Variants in DNAJC10 observed in about 807,000 individuals in gnomAD.
DNAJC10 encodes DnaJ heat shock protein family (Hsp40) member C10.
DNAJC10 carries 101 observed loss-of-function variants against 115.0 expected under a neutral mutation model. The ratio of observed to expected loss-of-function variants is 0.88; its 90% CI spans 0.75 to 1.04. The LOEUF (loss-of-function observed/expected upper bound fraction) is 1.04. Ranked by LOEUF, DNAJC10 falls within the 50% of genes least tolerant of loss-of-function variation. The pLI, the probability that DNAJC10 is intolerant of heterozygous loss-of-function variation, is 0.00. For missense variants in DNAJC10, 981 were observed against 928.8 expected (o/e 1.06, Z -0.73); for synonymous variants, 307 against 301.5 (o/e 1.02, Z -0.19).
chr2:182,728,348 A>T (rs918964908), intron 5 of DNAJC10, among the ~76,000 whole-genome samples: 4 of 152,072 alleles, frequency 2.6e-5, no homozygotes, highest in Admixed American at 2.6e-4. Context: ...TTAAAAAGCT[A>T]TTGTTGGTTT....
At chr2:182,729,777 T>G in intron 7 of DNAJC10, 71 bp from the exon 8 acceptor site, 1 of 975,624 alleles carries the variant, frequency 1.0e-6, no homozygotes. Context: ...AATCAAACTC[T>G]TTGGTATTAT....
At chr2:182,772,989 T>G (rs1694607768) in intron 22 of DNAJC10, among the ~76,000 whole-genome samples, 1 of 152,234 alleles carries the variant, frequency 6.6e-6, no homozygotes, top group Admixed American at 6.5e-5. Context: ...AGTTGTTTCT[T>G]CCCAAGTTTA....
Position 182,759,226 on chromosome 2 carries a change from A to G in DNAJC10, c.2064A>G (p.Lys688=), listed in dbSNP as rs1410634407. 2 of 1,610,206 alleles carry G rather than the reference A, an allele frequency of 1.2e-6. No individual in the cohort carries two copies. The highest frequency in any genetic ancestry group is 1.7e-6 in the Non-Finnish European group (2 of 1,179,160). Residue 688 remains lysine (K), a synonymous_variant, in exon 21 of 24, where the codon AAA becomes AAG. Coordinates refer to ENST00000264065, the MANE Select transcript of DNAJC10 (RefSeq NM_018981.4). Reference sequence around the variant, plus strand: ...TCAGTGAAAAAGTTCTACAAGGGAAAAATCATTGGGTGATTGATTTCTATG... The same window carrying G: ...TCAGTGAAAAAGTTCTACAAGGGAAGAATCATTGGGTGATTGATTTCTATG... ...QTFSEKVLQG[K]NHWVIDFYAP... is the part of the protein sequence containing the mutation.
intron 9 of DNAJC10, among the ~76,000 whole-genome samples, chr2:182,732,260 G>A (rs939340776): frequency 2.0e-5 from 3 of 151,932 alleles, no homozygotes; most frequent in African/African-American, 7.2e-5. Context: ...TCTGTAGCTA[G>A]ACATCCTAGA....
chr2:182,757,389 A>G (rs1473793946), intron 18 of DNAJC10, among the ~76,000 whole-genome samples: 2 of 152,198 alleles, frequency 1.3e-5, no homozygotes, highest in Non-Finnish European at 2.9e-5. Context: ...GAAATATTGC[A>G]AAGACTTTCA....
At chr2:182,729,074 A>T in intron 7 of DNAJC10, 80 bp downstream of exon 7, 1 of 1,404,436 alleles carries the variant, frequency 7.1e-7, no homozygotes, top group Non-Finnish European at 1.0e-6. Flanking sequence ...CAGTATGTAG[A>T]ATTTGCAGAA....
At position 182,776,675 on chromosome 2, in the gene DNAJC10, C is replaced by T. The variant is rs759945888; in HGVS notation, c.2371-446C>T. On this transcript the variant is annotated intron_variant, in intron 23 of 23. Transcript: ENST00000264065. ...TACCTCAAGAATATTTTTTACGAAT[C>T]TGAAAGGTAGGAAAGAGTTATGAGT... 4.1e-4 allele frequency among the ~76,000 whole-genome samples: 62 copies of T among 152,132 alleles called. 2 individuals are homozygous for T. The highest frequency in any genetic ancestry group is 1.3e-4 in the Admixed American group (2 of 15,270).
intron 11 of DNAJC10, chr2:182,739,553 T>A (rs1389130698): frequency 8.2e-7 from 1 of 1,222,966 alleles, no homozygotes; most frequent in African/African-American, 1.6e-5. Flanking sequence ...AGCTGCTTCA[T>A]TGAGAGAATC....
At chr2:182,773,641 G>A (rs1266821734) in intron 22 of DNAJC10, among the ~76,000 whole-genome samples, 1 of 152,280 alleles carries the variant, frequency 6.6e-6, no homozygotes, top group African/African-American at 2.4e-5. Flanking sequence ...GCTTGTGCAT[G>A]TGTCACCAAG....
chr2:182,747,477 T>C (rs1693898287), intron 14 of DNAJC10, among the ~76,000 whole-genome samples: 1 of 77,886 alleles, frequency 1.3e-5, no homozygotes, highest in Non-Finnish European at 2.6e-5. Flanking sequence ...CTAGGTATTT[T>C]ATTCTCTTTG....
At chr2:182,736,434 C>T (rs1693586940) in intron 11 of DNAJC10, 48 bp downstream of exon 11, 3 of 1,320,314 alleles carry the variant, frequency 2.3e-6, no homozygotes, top group African/African-American at 1.5e-5. Flanking sequence ...GTGCAAACAC[C>T]CTCAAAAATA....
At chr2:182,716,669 C>T (rs1420251127) in intron 1 of DNAJC10, among the ~76,000 whole-genome samples, 186 bp downstream of exon 1, 1 of 152,210 alleles carries the variant, frequency 6.6e-6, no homozygotes, top group Non-Finnish European at 1.5e-5. Flanking sequence ...CTCTGCCCAG[C>T]GATTCCCTCT....
chr2:182,718,820 C>T (rs1320661018), intron 3 of DNAJC10, among the ~76,000 whole-genome samples: 1 of 152,086 alleles, frequency 6.6e-6, no homozygotes, highest in African/African-American at 2.4e-5. Context: ...TTTATGTACA[C>T]ATTAATGTAA....
chr2:182,751,764 GC>G lies in DNAJC10; in HGVS notation c.1414del (p.Val473LeufsTer34). 1 of 1,613,568 alleles carries G rather than the reference GC, an allele frequency of 6.2e-7. No individual in the cohort carries two copies. The highest frequency in any genetic ancestry group is 8.5e-7 in the Non-Finnish European group (1 of 1,179,876). ...NFPANDKEPW[L>X]VDFFAPWCPP... is the part of the protein sequence containing the mutation. Reference sequence around the variant, plus strand: ...TTCCTGCCAATGACAAAGAACCATGGCTTGTTGATTTCTTTGCCCCCGTAAG... The same window carrying G: ...TTCCTGCCAATGACAAAGAACCATGGTTGTTGATTTCTTTGCCCCCGTAAG... On this transcript the variant is annotated frameshift_variant, in exon 15 of 24. Coordinates refer to ENST00000264065, the MANE Select transcript of DNAJC10 (RefSeq NM_018981.4). LOFTEE classifies it high-confidence loss of function.
chr2:182,718,921 A>G (rs1204525990), intron 3 of DNAJC10, among the ~76,000 whole-genome samples: 2 of 152,140 alleles, frequency 1.3e-5, no homozygotes, highest in Non-Finnish European at 2.9e-5. Flanking sequence ...CATCATTAAC[A>G]AGAAGACATA....
rs1694035423 is a variant in DNAJC10, at chr2:182,752,072, T to A, written c.1435T>A (p.Trp479Arg). 2 of 1,607,886 alleles carry A rather than the reference T, an allele frequency of 1.2e-6. No individual in the cohort carries two copies. Among genetic ancestry groups the A allele is most frequent in the East Asian group, 4.5e-5 (2 of 44,840 alleles). ...CTTATGAATATTTTTTCTTTCCTAG[T>A]GGTGTCCACCATGTCGAGCTTTACT... ...EPWLVDFFAPWCPPCRALLPE... is the reference protein window; with the variant it reads ...EPWLVDFFAPRCPPCRALLPE... The change falls in exon 16 of 24, where the codon TGG becomes AGG. Residue 479 changes from tryptophan to arginine, a missense_variant and splice_region_variant. Trp to Arg is a moderately radical substitution (Grantham distance 101). Transcript: ENST00000264065.
rs1179222223 is a variant in DNAJC10, at chr2:182,792,656, A to C, written c.*15524A>C. On this transcript the variant is annotated 3_prime_UTR_variant, in exon 24 of 24. Transcript: ENST00000264065. The stretch of plus-strand genomic sequence containing the variant: ...AACCTCAAACCAGTTTATCTGCAAG[A>C]GAAGTGTGTGAAGTTAGACTCAATT... The C allele has an allele frequency of 6.6e-6, 1 of 152,194 alleles. No individual in the cohort carries two copies. The highest frequency in any genetic ancestry group is 1.5e-5 in the Non-Finnish European group (1 of 68,034). 9.4% of individuals were successfully genotyped at this position (152,194 alleles called of 1,614,324 possible).
chr2:182,743,733 T>TAA, intron 14 of DNAJC10, 21 bp downstream of exon 14: 5 of 1,502,420 alleles, frequency 3.3e-6, no homozygotes, highest in East Asian at 2.3e-5. Context: ...AAAAAAATGA[T>TAA]AAAAAAAAAC....
At chr2:182,765,461 A>G (rs995172451) in intron 22 of DNAJC10, among the ~76,000 whole-genome samples, 1 of 152,146 alleles carries the variant, frequency 6.6e-6, no homozygotes. Context: ...GGCAAAGGAC[A>G]AGAATTGCCA....
Sources: allele counts gnomAD v4.1 joint callset (sites outside exome capture counted in the v4.1 genomes callset), GRCh38; gene constraint gnomAD v4.1.1; transcripts MANE v1.5; gene names NCBI Gene and HGNC (gene_info 2026-07-23, HGNC 2026-07-21).